The following PRKN variants were observed in gnomAD, a reference collection of about 807,000 sequenced individuals.
PRKN encodes the protein E3 ubiquitin-protein ligase parkin.
In PRKN, 56 loss-of-function variants were observed where a neutral mutation model predicts 59.5. The ratio of observed to expected loss-of-function variants is 0.94; its 90% CI spans 0.76 to 1.18. PRKN has a LOEUF of 1.18. Ranked by LOEUF, PRKN falls within the 50% of genes most tolerant of loss-of-function variation. PRKN has a pLI of 0.00. For synonymous variants in PRKN, 250 were observed against 222.1 expected, an observed-to-expected ratio of 1.13 and a Z score of -1.12; for missense variants, 657 against 596.4, an observed-to-expected ratio of 1.10 and a Z score of -1.06.
intron 2 of PRKN, among the ~76,000 whole-genome samples, chr6:162,336,153 CTGTT>C (rs534151097): frequency 3.9e-5 from 6 of 152,174 alleles, no homozygotes; most frequent in African/African-American, 7.2e-5. Flanking sequence ...TTTCTGAAGA[CTGTT>C]TGTCATTTTT....
intron 6 of PRKN, among the ~76,000 whole-genome samples, chr6:161,896,218 A>C (rs1470367341): frequency 6.6e-6 from 1 of 152,190 alleles, no homozygotes; most frequent in Non-Finnish European, 1.5e-5. Flanking sequence ...CTCCTATTGT[A>C]AGGTGGGGTC....
Position 162,056,156 on chromosome 6 carries a change from C to T in PRKN, c.535-1982G>A, listed in dbSNP as rs1777855055. Among the ~76,000 whole-genome samples the T allele has an allele frequency of 6.7e-6, 1 of 150,222 alleles. No homozygotes were observed. The highest frequency in any genetic ancestry group is 2.0e-4 in the East Asian group (1 of 5,104). ...CACCAAGACACACCACACACGCACGCACACCAAAACACACCACACATGCAT... is the reference window on the plus strand; with the variant it reads ...CACCAAGACACACCACACACGCACGTACACCAAAACACACCACACATGCAT... On this transcript the variant is annotated intron_variant, in intron 4 of 11. Transcript: ENST00000366898. The surrounding 1 kb of genome is among the most constrained non-coding windows in gnomAD (Gnocchi z 4.9).
At chr6:162,691,138 A>G (rs1008156782) in intron 1 of PRKN, among the ~76,000 whole-genome samples, 13 of 152,208 alleles carry the variant, frequency 8.5e-5, no homozygotes, top group Non-Finnish European at 1.9e-4. Context: ...GATGATGATA[A>G]GGAATTTTTT....
intron 7 of PRKN, among the ~76,000 whole-genome samples, chr6:161,780,261 C>T (rs772996781): frequency 6.6e-6 from 1 of 152,042 alleles, no homozygotes; most frequent in Non-Finnish European, 1.5e-5. Flanking sequence ...CGTATATAAA[C>T]CAGGATTTGT....
chr6:162,181,606 A>G (rs991637105), intron 4 of PRKN, among the ~76,000 whole-genome samples: 6 of 152,206 alleles, frequency 3.9e-5, no homozygotes, highest in Non-Finnish European at 8.8e-5. Context: ...ATAGAATCCA[A>G]CATGGTACAC....
At chr6:161,883,122 G>C (rs1158521495) in intron 6 of PRKN, among the ~76,000 whole-genome samples, 1 of 152,042 alleles carries the variant, frequency 6.6e-6, no homozygotes, top group Non-Finnish European at 1.5e-5. Context: ...CAGAAATAGA[G>C]GTAAGAGAGA....
chr6:162,644,708 T>C (rs1179038262), intron 1 of PRKN, among the ~76,000 whole-genome samples: 1 of 152,208 alleles, frequency 6.6e-6, no homozygotes, highest in Non-Finnish European at 1.5e-5. Flanking sequence ...AATGCTAACC[T>C]GATGCCATTT....
chr6:161,394,853 C>T (rs960446762), intron 9 of PRKN, among the ~76,000 whole-genome samples: 21 of 152,156 alleles, frequency 1.4e-4, no homozygotes, highest in African/African-American at 2.9e-4. Flanking sequence ...TCTATAATTA[C>T]GGACAAAGAC....
chr6:162,538,069 G>A (rs1313950064), intron 1 of PRKN, among the ~76,000 whole-genome samples: 2 of 152,170 alleles, frequency 1.3e-5, no homozygotes, highest in Non-Finnish European at 2.9e-5. Flanking sequence ...ATTCATGTAA[G>A]AGCAAAATAT....
chr6:161,389,991 T>G (rs937775058), intron 9 of PRKN, among the ~76,000 whole-genome samples: 1 of 152,214 alleles, frequency 6.6e-6, no homozygotes, highest in South Asian at 2.1e-4. Flanking sequence ...CACTTTAGCA[T>G]GGCAAAAGGC....
chr6:162,343,270 A>G (rs1214728552), intron 2 of PRKN, among the ~76,000 whole-genome samples: 1 of 152,182 alleles, frequency 6.6e-6, no homozygotes, highest in East Asian at 1.9e-4. Context: ...ATTATTTGTT[A>G]ATATTTTTAA....
At chr6:161,641,746 T>C (rs1459124178) in intron 7 of PRKN, among the ~76,000 whole-genome samples, 7 of 152,242 alleles carry the variant, frequency 4.6e-5, no homozygotes, top group African/African-American at 1.7e-4. Context: ...TTCAGAATAC[T>C]TTCACAGCCC....
At chr6:162,105,645 C>G (rs1412965446) in intron 4 of PRKN, among the ~76,000 whole-genome samples, 1 of 152,196 alleles carries the variant, frequency 6.6e-6, no homozygotes, top group African/African-American at 2.4e-5. Context: ...CGTGATCCAC[C>G]TGCCTTGGTC....
rs576420375 is a variant in PRKN at position 162,510,784 on chromosome 6, G to A, written c.8-67311C>T. On this transcript the variant is annotated intron_variant, in intron 1 of 11. Coordinates refer to ENST00000366898, the MANE Select transcript of PRKN (RefSeq NM_004562.3). ...TAAAAATGCAAAAAATTAGCCAGGT[G>A]TGGTGGTATGCGCCTGTAATTCCAG... Among the ~76,000 whole-genome samples, 20 of 152,160 alleles carry A rather than the reference G, an allele frequency of 1.3e-4. No homozygotes were observed. The South Asian group carries it at 3.9e-3, about 30-fold the overall frequency.
At chr6:162,293,930 G>A (rs900447193) in intron 2 of PRKN, among the ~76,000 whole-genome samples, 2 of 152,056 alleles carry the variant, frequency 1.3e-5, no homozygotes, top group African/African-American at 4.8e-5. Context: ...CGTCCGCCTC[G>A]GCCTCCGAAA....
At chr6:161,535,238 A>T (rs1344241123) in intron 9 of PRKN, among the ~76,000 whole-genome samples, 2 of 152,250 alleles carry the variant, frequency 1.3e-5, no homozygotes, top group African/African-American at 4.8e-5. Flanking sequence ...AGGGGCGAAT[A>T]CAATTTTACG....
rs1791570512 is a variant in PRKN, at chr6:161,484,669, G to A, written c.1083+64185C>T. Among the ~76,000 whole-genome samples the A allele has an allele frequency of 1.3e-5, 2 of 152,132 alleles. No individual in the cohort carries two copies. The highest frequency in any genetic ancestry group is 1.3e-4 in the Admixed American group (2 of 15,276). On this transcript the variant is annotated intron_variant, in intron 9 of 11. Coordinates refer to ENST00000366898, the MANE Select transcript of PRKN (RefSeq NM_004562.3). This position sits in a 1 kb window ranked among gnomAD's most constrained non-coding sequence, Gnocchi z 4.9. ...CAGCACTACTGAAGTTTGAGACCAG[G>A]CCATTCTCACGGGCCCGTTGTGGGC...
Position 162,385,030 on chromosome 6 carries a change from T to A in PRKN, c.171+58280A>T, listed in dbSNP as rs1786723548. Among the ~76,000 whole-genome samples, 2 of 152,130 alleles carry A rather than the reference T, an allele frequency of 1.3e-5. 1 individual carries two copies. The highest frequency in any genetic ancestry group is 4.1e-4 in the South Asian group (2 of 4,820). Reference sequence around the variant, plus strand: ...ACTTAAGTAGTTTTAGACATAGTATTTCCCCCCTCATGAAATTTAACTCCT... The same window carrying A: ...ACTTAAGTAGTTTTAGACATAGTATATCCCCCCTCATGAAATTTAACTCCT... On this transcript the variant is annotated intron_variant, in intron 2 of 11. Transcript: ENST00000366898.
At chr6:162,242,801 C>T (rs1001563832) in intron 3 of PRKN, among the ~76,000 whole-genome samples, 1 of 152,068 alleles carries the variant, frequency 6.6e-6, no homozygotes, top group Non-Finnish European at 1.5e-5. Flanking sequence ...ACTGCATTTT[C>T]GCCTTCTGTT....
Sources: gnomAD v4.1 joint callset for allele counts (sites outside exome capture counted in the v4.1 genomes callset) on GRCh38, gnomAD v4.1.1 for gene constraint, Gnocchi (gnomAD v3.1) non-coding constraint, MANE v1.5 for transcripts, NCBI Gene and HGNC (gene_info 2026-07-23, HGNC 2026-07-21) for gene names.